Variants in ZC3H12B observed in about 807,000 individuals in gnomAD.
ZC3H12B encodes the protein zinc finger CCCH-type containing 12B.
In ZC3H12B, 7 loss-of-function variants were observed where a neutral mutation model predicts 43.9. The observed-to-expected ratio is 0.16, with a 90% confidence interval of 0.09 to 0.30. The LOEUF is 0.30. Ranked by LOEUF, ZC3H12B falls within the 10% of genes least tolerant of loss-of-function variation. ZC3H12B has a pLI of 1.00. For synonymous variants in ZC3H12B, 222 were observed against 241.7 expected (o/e 0.92, Z 0.76); for missense variants, 475 against 670.2 (o/e 0.71, Z 3.22).
intron 2 of ZC3H12B, among the ~76,000 whole-genome samples, chrX:65,389,885 G>T (rs752072190): frequency 7.1e-5 from 8 of 112,177 alleles, no homozygotes; most frequent in Non-Finnish European, 1.5e-4. Context: ...AATAGCATTT[G>T]ACCCAGCCAT....
chrX:65,046,833 G>A, the ZC3H12B span, among the ~76,000 whole-genome samples: 3 of 111,114 alleles, frequency 2.7e-5, no homozygotes, highest in Non-Finnish European at 5.7e-5. Flanking sequence ...CACTTAAAAG[G>A]CCATTGTAGG....
the ZC3H12B span, among the ~76,000 whole-genome samples, chrX:65,141,302 T>C: frequency 9.1e-6 from 1 of 110,348 alleles, no homozygotes; most frequent in Non-Finnish European, 1.9e-5. Context: ...ATTTATTCTT[T>C]GATGCATTTT....
At chrX:65,162,875 G>A in the ZC3H12B span, among the ~76,000 whole-genome samples, 1 of 112,011 alleles carries the variant, frequency 8.9e-6, no homozygotes, top group African/African-American at 3.2e-5. Context: ...TTTCTGCTCT[G>A]TTTTTTCCCC....
intron 2 of ZC3H12B, among the ~76,000 whole-genome samples, chrX:65,386,951 C>T (rs1004451127): frequency 8.1e-5 from 9 of 111,508 alleles, no homozygotes; most frequent in African/African-American, 2.9e-4. Flanking sequence ...TGTAGTTGAG[C>T]GATTTTGAGT....
the ZC3H12B span, among the ~76,000 whole-genome samples, chrX:65,081,025 CT>C: frequency 3.7e-5 from 4 of 107,354 alleles, no homozygotes; most frequent in African/African-American, 1.0e-4. Flanking sequence ...TTTCTTTCTG[CT>C]TTTTTTTAAT....
chrX:65,048,425 T>C, the ZC3H12B span, among the ~76,000 whole-genome samples: 1 of 111,133 alleles, frequency 9.0e-6, no homozygotes, highest in African/African-American at 3.3e-5. Flanking sequence ...TTTGGATAAA[T>C]ACTTAGCAGT....
chrX:65,168,364 C>A, the ZC3H12B span, among the ~76,000 whole-genome samples: 3 of 111,672 alleles, frequency 2.7e-5, no homozygotes, highest in African/African-American at 6.5e-5. Context: ...GTTGAACCAG[C>A]CTTGCATCCC....
chrX:65,217,713 A>G, the ZC3H12B span, among the ~76,000 whole-genome samples: 1 of 112,252 alleles, frequency 8.9e-6, no homozygotes, highest in Admixed American at 9.5e-5. Context: ...AAAAGATGAA[A>G]TAATTACTGA....
chrX:65,168,251 G>A, the ZC3H12B span, among the ~76,000 whole-genome samples: 1 of 111,979 alleles, frequency 8.9e-6, no homozygotes, highest in Non-Finnish European at 1.9e-5. Flanking sequence ...ATGAAGGGCT[G>A]TTGAATTTTT....
the ZC3H12B span, among the ~76,000 whole-genome samples, chrX:65,049,134 G>A: frequency 2.8e-4 from 31 of 111,195 alleles, no homozygotes; most frequent in African/African-American, 9.7e-4. Context: ...CTTTAACTCT[G>A]TTGATGTGTT....
chrX:65,483,607 G>T (rs2068089886), intron 3 of ZC3H12B, among the ~76,000 whole-genome samples: 1 of 111,765 alleles, frequency 8.9e-6, no homozygotes, highest in African/African-American at 3.2e-5. Context: ...GATTGTGTAG[G>T]TAATTATGTG....
At chrX:65,142,933 G>C in the ZC3H12B span, among the ~76,000 whole-genome samples, 2 of 111,607 alleles carry the variant, frequency 1.8e-5, no homozygotes, top group Admixed American at 9.5e-5. Context: ...CAGGTAATGT[G>C]GTGCCTCCAG....
At chrX:65,327,933 C>G in the ZC3H12B span, 1 of 140,404 alleles carries the variant, frequency 7.1e-6, no homozygotes, top group Non-Finnish European at 1.6e-5. Flanking sequence ...AAGAGAAAGA[C>G]TAACAACAAA....
chrX:65,226,192 C>T, the ZC3H12B span, among the ~76,000 whole-genome samples: 2 of 111,902 alleles, frequency 1.8e-5, no homozygotes, highest in Admixed American at 1.9e-4. Context: ...AGAAAATCTA[C>T]AAGCCAGAAG....
chrX:65,041,020 C>T, the ZC3H12B span, among the ~76,000 whole-genome samples: 2 of 112,240 alleles, frequency 1.8e-5, no homozygotes, highest in African/African-American at 6.5e-5. Flanking sequence ...TCAAGTGATC[C>T]GCCCACCTCG....
intron 3 of ZC3H12B, among the ~76,000 whole-genome samples, chrX:65,412,464 A>T (rs751571506): frequency 1.4e-4 from 16 of 110,842 alleles, no homozygotes; most frequent in African/African-American, 4.3e-4. Context: ...ACATATTTTC[A>T]AGTTTTTTTT....
upstream of ZC3H12B, among the ~76,000 whole-genome samples, chrX:65,364,190 G>A (rs188105227): frequency 5.0e-3 from 551 of 110,547 alleles, 3 homozygotes; most frequent in South Asian, 0.02. Context: ...GCTCTGCCCC[G>A]CTCCACTACC....
At chrX:65,433,001 A>G (rs2067181507) in intron 3 of ZC3H12B, among the ~76,000 whole-genome samples, 1 of 112,443 alleles carries the variant, frequency 8.9e-6, no homozygotes, top group Admixed American at 9.4e-5. Context: ...GTAGAACAGT[A>G]GAGTTGTATT....
the ZC3H12B span, among the ~76,000 whole-genome samples, chrX:65,232,826 C>A: frequency 9.0e-6 from 1 of 110,608 alleles, no homozygotes; most frequent in African/African-American, 3.3e-5. Flanking sequence ...AAAAAAGACT[C>A]GACTATATGC....
Sources: gnomAD v4.1 joint callset for allele counts (sites outside exome capture counted in the v4.1 genomes callset) on GRCh38, gnomAD v4.1.1 for gene constraint, MANE v1.5 for transcripts, NCBI Gene and HGNC (gene_info 2026-07-23, HGNC 2026-07-21) for gene names.